IGSF21: variants seen among roughly 807,000 people sequenced by gnomAD.
IGSF21 encodes immunoglobin superfamily member 21.
IGSF21 carries 28 observed loss-of-function variants against 46.8 expected under a neutral mutation model. The ratio of observed to expected loss-of-function variants is 0.60; its 90% CI spans 0.44 to 0.82. IGSF21 has a LOEUF of 0.82. IGSF21 is among the 40% of genes least tolerant of loss of function. The pLI is 0.00. For synonymous variants in IGSF21, 284 were observed against 273.6 expected (o/e 1.04, Z -0.38); for missense variants, 624 against 665.5 (o/e 0.94, Z 0.69).
At chr1:18,232,569 C>T (rs542314117) in intron 2 of IGSF21, among the ~76,000 whole-genome samples, 20 of 152,268 alleles carry the variant, frequency 1.3e-4, no homozygotes, top group African/African-American at 3.1e-4. Context: ...GACTGTGTCT[C>T]GGGTCATGTT....
intron 1 of IGSF21, chr1:18,113,099 A>G (rs2124399511): frequency 6.6e-6 from 1 of 152,322 alleles, no homozygotes; most frequent in African/African-American, 2.4e-5. Flanking sequence ...CAATCCAGAG[A>G]CAGCTGCTTT....
intron 4 of IGSF21, among the ~76,000 whole-genome samples, chr1:18,359,338 A>AAAGAGAAAGAAAG: frequency 2.8e-5 from 1 of 35,336 alleles, no homozygotes; most frequent in East Asian, 7.7e-4. Flanking sequence ...AAGAGAAAGA[A>AAAGAGAAAGAAAG]AAAGAAAGAA....
intron 2 of IGSF21, among the ~76,000 whole-genome samples, chr1:18,244,142 G>A (rs1395202257): frequency 2.0e-5 from 3 of 152,338 alleles, no homozygotes; most frequent in Non-Finnish European, 4.4e-5. Flanking sequence ...TTCTGGAAGC[G>A]CTTTGCAAAT....
intron 1 of IGSF21, among the ~76,000 whole-genome samples, chr1:18,201,396 C>T (rs1365118531): frequency 6.6e-6 from 1 of 152,220 alleles, no homozygotes; most frequent in Non-Finnish European, 1.5e-5. Flanking sequence ...AAGGGCTAAT[C>T]CAGCAGCAAA....
intron 3 of IGSF21, among the ~76,000 whole-genome samples, chr1:18,317,044 T>C (rs1364077879): frequency 6.6e-6 from 1 of 152,206 alleles, no homozygotes. Context: ...TCCCTGTTTG[T>C]GTGACCTTGG....
At chr1:18,182,459 A>G (rs145611614) in intron 1 of IGSF21, among the ~76,000 whole-genome samples, 1,838 of 152,246 alleles carry the variant, frequency 0.012, 45 homozygotes, top group African/African-American at 0.042. Context: ...GATTACAGGC[A>G]TTAGCCACTG....
Position 18,108,918 on chromosome 1 carries a change from G to T in IGSF21, c.70+720G>T, listed in dbSNP as rs188919258. 6.3e-4 allele frequency among the ~76,000 whole-genome samples: 95 copies of T among 151,272 alleles called. No homozygotes were observed. The East Asian group carries it at 0.017, about 27-fold the overall frequency. On this transcript the variant is annotated intron_variant, in intron 1 of 9. Coordinates refer to ENST00000251296, the MANE Select transcript of IGSF21 (RefSeq NM_032880.5). Reference sequence around the variant, plus strand: ...CTGGGAGTGTGTGTATGCGTGCCATGGAGCGTGTGGTTATCGTGTGCAGGG... The same window carrying T: ...CTGGGAGTGTGTGTATGCGTGCCATTGAGCGTGTGGTTATCGTGTGCAGGG...
At chr1:18,215,967 C>A (rs1234673802) in intron 1 of IGSF21, among the ~76,000 whole-genome samples, 1 of 152,192 alleles carries the variant, frequency 6.6e-6, no homozygotes, top group African/African-American at 2.4e-5. Context: ...CTGTGTCAAG[C>A]ATTATGCAGA....
chr1:18,147,666 T>C (rs2086482262), intron 1 of IGSF21, among the ~76,000 whole-genome samples: 1 of 152,218 alleles, frequency 6.6e-6, no homozygotes, highest in Non-Finnish European at 1.5e-5. Flanking sequence ...GTTGTGACTA[T>C]GATGATGAAA....
At chr1:18,252,044 C>CTTTTTTTTTTTT (rs1557608067) in intron 2 of IGSF21, among the ~76,000 whole-genome samples, 1 of 98,982 alleles carries the variant, frequency 1.0e-5, no homozygotes. Context: ...CTGACCAAGG[C>CTTTTTTTTTTTT]GTTTTTTTTT....
chr1:18,177,274 C>A (rs918547609), intron 1 of IGSF21, among the ~76,000 whole-genome samples: 2 of 61,082 alleles, frequency 3.3e-5, no homozygotes, highest in African/African-American at 6.2e-5. Context: ...GACAACAGGG[C>A]AGGTGGTCCA....
intron 2 of IGSF21, among the ~76,000 whole-genome samples, chr1:18,276,429 G>T (rs1201226624): frequency 6.6e-6 from 1 of 152,164 alleles, no homozygotes; most frequent in African/African-American, 2.4e-5. Flanking sequence ...TGTTCCCAGA[G>T]CCCTGAATGA....
chr1:18,177,531 T>A (rs773397056), intron 1 of IGSF21, among the ~76,000 whole-genome samples: 17 of 152,100 alleles, frequency 1.1e-4, no homozygotes, highest in Non-Finnish European at 2.1e-4. Context: ...TTCTCTCTGA[T>A]GATTTTTTTT....
At chr1:18,345,919 G>A (rs2085888403) in intron 4 of IGSF21, among the ~76,000 whole-genome samples, 1 of 152,172 alleles carries the variant, frequency 6.6e-6, no homozygotes, top group African/African-American at 2.4e-5. Flanking sequence ...CCTCTCACTG[G>A]AATGTGGCTT....
At chr1:18,116,243 C>T (rs35800064) in intron 1 of IGSF21, among the ~76,000 whole-genome samples, 34,927 of 152,002 alleles carry the variant, frequency 0.23, 4,399 homozygotes, top group Non-Finnish European at 0.3. Context: ...CTCCCTCACC[C>T]GAGAATTGGT....
chr1:18,201,466 G>A (rs568276642), intron 1 of IGSF21, among the ~76,000 whole-genome samples: 7 of 152,306 alleles, frequency 4.6e-5, no homozygotes, highest in East Asian at 1.9e-4. Context: ...ACGAGCACTG[G>A]AATTTCAAGG....
chr1:18,261,878 CAG>C (rs1008203264), intron 2 of IGSF21, among the ~76,000 whole-genome samples: 1 of 152,186 alleles, frequency 6.6e-6, no homozygotes, highest in African/African-American at 2.4e-5. Context: ...GAAGTATTGT[CAG>C]GGGAGTGTGG....
At chr1:18,202,984 G>A (rs980172854) in intron 1 of IGSF21, among the ~76,000 whole-genome samples, 60 of 152,140 alleles carry the variant, frequency 3.9e-4, no homozygotes, top group African/African-American at 1.3e-3. Context: ...GACACCATTC[G>A]TGACACTCTA....
chr1:18,248,529 G>A (rs1217490801), intron 2 of IGSF21, among the ~76,000 whole-genome samples: 2 of 151,858 alleles, frequency 1.3e-5, no homozygotes, highest in Non-Finnish European at 2.9e-5. Flanking sequence ...TGCTACCCAA[G>A]CAGACAGACA....
Sources: allele counts gnomAD v4.1 joint callset (sites outside exome capture counted in the v4.1 genomes callset), GRCh38; gene constraint gnomAD v4.1.1; transcripts MANE v1.5; gene names NCBI Gene and HGNC (gene_info 2026-07-23, HGNC 2026-07-21).